Variants in DIP2C observed in about 807,000 individuals in gnomAD.
DIP2C encodes DIP2 acetate--CoA ligase C (putative).
DIP2C carries 33 observed loss-of-function variants against 192.4 expected under a neutral mutation model. The observed-to-expected ratio is 0.17, with a 90% CI of 0.13 to 0.23. DIP2C has a LOEUF of 0.23. Ranked by LOEUF, DIP2C falls within the 10% of genes least tolerant of loss-of-function variation. DIP2C has a pLI of 1.00. For missense variants in DIP2C, 1,537 were observed against 2,110.1 expected (o/e 0.73, Z 5.32); for synonymous variants, 979 against 864.1 (o/e 1.13, Z -2.33).
chr10:301,622 G>A (rs1184688419), intron 32 of DIP2C, among the ~76,000 whole-genome samples: 1 of 152,242 alleles, frequency 6.6e-6, no homozygotes, highest in Admixed American at 6.5e-5. Flanking sequence ...CTGGGATATG[G>A]ATGGTAATTC....
chr10:387,461 G>A (rs978782887), intron 14 of DIP2C, among the ~76,000 whole-genome samples: 2 of 151,860 alleles, frequency 1.3e-5, no homozygotes, highest in Non-Finnish European at 2.9e-5. Context: ...ACAGTGAGGG[G>A]AGGGGACTCC....
intron 7 of DIP2C, among the ~76,000 whole-genome samples, chr10:414,317 C>CAT (rs1965393910): frequency 6.6e-6 from 1 of 152,062 alleles, no homozygotes; most frequent in Non-Finnish European, 1.5e-5. Flanking sequence ...TCCAAGGCAG[C>CAT]ATGTGGGTAG....
At chr10:309,910 A>G in intron 32 of DIP2C, 121 bp downstream of exon 32, 1 of 957,148 alleles carries the variant, frequency 1.0e-6, no homozygotes, top group Non-Finnish European at 1.6e-6. Context: ...CTCATGAGAC[A>G]GTTACACTCT....
chr10:380,863 A>T lies in DIP2C; in HGVS notation c.1991+1784T>A, dbSNP rs558323192. On this transcript the variant is annotated intron_variant, in intron 17 of 36. Coordinates refer to ENST00000280886, the MANE Select transcript of DIP2C (RefSeq NM_014974.3). ...CATGGGAAATTCACCTCAAGTTTTA[A>T]GACAGAATACACTTGAGTTCACAGG... 1.2e-4 allele frequency among the ~76,000 whole-genome samples: 18 copies of T among 152,330 alleles called. No individual in the cohort carries two copies. The South Asian group carries it at 3.3e-3, about 28-fold the overall frequency.
chr10:565,889 T>C (rs1189882443), intron 1 of DIP2C, among the ~76,000 whole-genome samples: 1 of 152,152 alleles, frequency 6.6e-6, no homozygotes, highest in Admixed American at 6.5e-5. Flanking sequence ...ACTTCACACG[T>C]TGGGAAGCAG....
intron 3 of DIP2C, among the ~76,000 whole-genome samples, chr10:462,526 GAATT>G (rs979956733): frequency 6.6e-6 from 1 of 152,038 alleles, no homozygotes; most frequent in Non-Finnish European, 1.5e-5. Flanking sequence ...ATTGAGGCAG[GAATT>G]AATAGCCTAC....
intron 10 of DIP2C, among the ~76,000 whole-genome samples, chr10:396,920 G>C (rs1320948931): frequency 6.6e-6 from 1 of 151,892 alleles, no homozygotes; most frequent in Non-Finnish European, 1.5e-5. Context: ...TGCCAGACAC[G>C]AGCATACTCA....
chr10:473,032 G>A (rs756395980), intron 2 of DIP2C, among the ~76,000 whole-genome samples: 1 of 151,700 alleles, frequency 6.6e-6, no homozygotes, highest in Non-Finnish European at 1.5e-5. Context: ...GACATACCAT[G>A]AACGTCCAGC....
At chr10:472,343 C>T in intron 3 of DIP2C, 96 bp downstream of exon 3, 1 of 1,151,320 alleles carries the variant, frequency 8.7e-7, no homozygotes, top group South Asian at 1.4e-5. Flanking sequence ...CAGGTCCACG[C>T]CCACTGCACT....
At chr10:662,806 G>A (rs1376334563) in intron 1 of DIP2C, 2 of 714,924 alleles carry the variant, frequency 2.8e-6, no homozygotes, top group Non-Finnish European at 5.2e-6. Flanking sequence ...CCAAAACTGT[G>A]GCAGGCCTGC....
At chr10:613,112 C>CT (rs1853213331) in intron 1 of DIP2C, among the ~76,000 whole-genome samples, 1 of 152,104 alleles carries the variant, frequency 6.6e-6, no homozygotes, top group South Asian at 2.1e-4. Context: ...TACAGGCTGA[C>CT]TGCCTCGTCT....
intron 24 of DIP2C, among the ~76,000 whole-genome samples, chr10:353,937 G>A (rs1373876424): frequency 6.6e-6 from 1 of 152,346 alleles, no homozygotes; most frequent in Non-Finnish European, 1.5e-5. Flanking sequence ...TGCTGAACAG[G>A]GAAGCTGATT....
chr10:428,797 CATTTA>C (rs1230758687), intron 4 of DIP2C, among the ~76,000 whole-genome samples: 1 of 152,086 alleles, frequency 6.6e-6, no homozygotes, highest in African/African-American at 2.4e-5. Flanking sequence ...GTTCTGTTCG[CATTTA>C]ATTTTGGTTT....
At chr10:627,842 C>T (rs1156280149) in intron 1 of DIP2C, among the ~76,000 whole-genome samples, 1 of 152,240 alleles carries the variant, frequency 6.6e-6, no homozygotes, top group Non-Finnish European at 1.5e-5. Context: ...CACGTGAAGA[C>T]GTGCACTTCA....
In DIP2C at chr10:414,739, G is replaced by GTGTGTGTGTATATATATATATA; in HGVS notation, c.860-630_860-629insTATATATATATATACACACACA. ...TGTGTGTGTGTGTGTGTGTGTGTGT[G>GTGTGTGTGTATATATATATATA]TACATATATATATATATAATGTGTA... is the stretch of plus-strand genomic sequence containing the variant. On this transcript the variant is annotated intron_variant, in intron 7 of 36. Coordinates refer to ENST00000280886, the MANE Select transcript of DIP2C (RefSeq NM_014974.3). Among the ~76,000 whole-genome samples, 97 of 90,524 alleles carry GTGTGTGTGTATATATATATATA rather than the reference G, an allele frequency of 1.1e-3. 2 individuals are homozygous for GTGTGTGTGTATATATATATATA. Among genetic ancestry groups the GTGTGTGTGTATATATATATATA allele is most frequent in the African/African-American group, 2.5e-3 (56 of 22,228 alleles). 59.4% of individuals were successfully genotyped at this position (90,524 alleles called of 152,430 possible).
intron 1 of DIP2C, among the ~76,000 whole-genome samples, chr10:514,127 G>A (rs1217802594): frequency 6.6e-6 from 1 of 152,178 alleles, no homozygotes; most frequent in South Asian, 2.1e-4. Flanking sequence ...GGGGACAGAG[G>A]CTTCCTGGTG....
At chr10:616,991 G>T (rs1021074517) in intron 1 of DIP2C, among the ~76,000 whole-genome samples, 1 of 152,256 alleles carries the variant, frequency 6.6e-6, no homozygotes, top group Middle Eastern at 3.4e-3. Flanking sequence ...TTTAAGGAAA[G>T]AAAGCCAGGG....
intron 1 of DIP2C, among the ~76,000 whole-genome samples, chr10:580,301 A>G (rs2131583352): frequency 6.6e-6 from 1 of 152,256 alleles, no homozygotes. Flanking sequence ...GCATGCGTAC[A>G]TTAGTGTGCA....
At chr10:407,310 C>T (rs145138778) in intron 9 of DIP2C, among the ~76,000 whole-genome samples, 73 of 152,296 alleles carry the variant, frequency 4.8e-4, no homozygotes, top group African/African-American at 1.7e-3. Context: ...GAACTTCCTC[C>T]CTTCTAATGG....
Sources: gnomAD v4.1 joint callset for allele counts (sites outside exome capture counted in the v4.1 genomes callset) on GRCh38, gnomAD v4.1.1 for gene constraint, MANE v1.5 for transcripts, NCBI Gene and HGNC (gene_info 2026-07-23, HGNC 2026-07-21) for gene names.